The following RFFL variants were observed in gnomAD, a reference collection of about 807,000 sequenced individuals.
RFFL encodes the protein ring finger and FYVE like domain containing E3 ubiquitin protein ligase.
In RFFL, 16 loss-of-function variants were observed where a neutral mutation model predicts 40.4. The observed-to-expected ratio is 0.40, with a 90% CI of 0.27 to 0.60. The LOEUF (loss-of-function observed/expected upper bound fraction) is 0.60. Ranked by LOEUF, RFFL falls within the 20% of genes least tolerant of loss-of-function variation. The pLI, the probability that RFFL is intolerant of heterozygous loss-of-function variation, is 0.47. For synonymous variants in RFFL, 154 were observed against 167.9 expected (o/e 0.92, Z 0.64); for missense variants, 367 against 451.7 (o/e 0.81, Z 1.70).
At chr17:35,085,151 T>C (rs1340565522) in intron 1 of RFFL, among the ~76,000 whole-genome samples, 1 of 151,188 alleles carries the variant, frequency 6.6e-6, no homozygotes, top group Non-Finnish European at 1.5e-5. Flanking sequence ...TACCTCATCT[T>C]TCAAGGAGTG....
rs2090932442 is a variant in RFFL at position 35,010,742 on chromosome 17, A to C, written c.*1226T>G. 1.1e-5 allele frequency: 1 copy of C among 95,204 alleles called. No individual in the cohort carries two copies. The highest frequency in any genetic ancestry group is 2.7e-4 in the East Asian group (1 of 3,644). The allele number at this position is 95,204 out of a possible 1,614,324, so 5.9% of individuals were successfully genotyped here. A position where few individuals can be genotyped will look rare whatever the true frequency, so the allele number is the denominator to read the frequency against. ...ACTCCAGCCTGGGCAACAGAGTGAG[A>C]CTCAAAAAAAAAAAAAAAATGCTTT... On this transcript the variant is annotated 3_prime_UTR_variant, in exon 7 of 7. Coordinates refer to ENST00000394597, the MANE Select transcript of RFFL (RefSeq NM_001017368.2).
At chr17:35,082,807 T>A (rs2091409115) in intron 1 of RFFL, among the ~76,000 whole-genome samples, 1 of 152,212 alleles carries the variant, frequency 6.6e-6, no homozygotes, top group South Asian at 2.1e-4. Flanking sequence ...CTACCAGGTA[T>A]TTTCATCTTG....
At chr17:35,035,641 CTATATCTATAGATATT>C (rs1379163658) in intron 1 of RFFL, among the ~76,000 whole-genome samples, 2 of 149,806 alleles carry the variant, frequency 1.3e-5, no homozygotes, top group African/African-American at 4.9e-5. Context: ...ATATCTGTAT[CTATATCTATAGATATT>C]TATATCTATA....
intron 1 of RFFL, among the ~76,000 whole-genome samples, chr17:35,035,707 A>T (rs890041722): frequency 2.3e-4 from 35 of 149,946 alleles, no homozygotes; most frequent in Admixed American, 1.9e-3. Context: ...ATATATATAA[A>T]TTTTTTCTTT....
chr17:35,041,587 G>A (rs2091165352), intron 1 of RFFL, among the ~76,000 whole-genome samples: 1 of 130,180 alleles, frequency 7.7e-6, no homozygotes, highest in Non-Finnish European at 1.5e-5. Context: ...GAACCGAAAG[G>A]TAGTGTGACC....
chr17:35,061,525 T>A (rs562399921), intron 1 of RFFL, among the ~76,000 whole-genome samples: 2 of 152,244 alleles, frequency 1.3e-5, no homozygotes, highest in South Asian at 2.1e-4. Context: ...TGGCACAATC[T>A]CAGCTCATTG....
chr17:35,086,622 T>C lies in RFFL; in HGVS notation c.-9+2483A>G, dbSNP rs376734199. Among the ~76,000 whole-genome samples, 217 of 152,178 alleles carry C rather than the reference T, an allele frequency of 1.4e-3. 1 individual carries two copies. Among genetic ancestry groups the C allele is most frequent in the African/African-American group, 5.2e-3 (214 of 41,514 alleles). On this transcript the variant is annotated intron_variant, in intron 1 of 6. Transcript: ENST00000315249. ...ACCAGTAACCATTACCAAACAACAA[T>C]GAAGCAGCTCCTCACTTGAGACTTC... is the stretch of plus-strand genomic sequence containing the variant.
chr17:35,048,230 G>A (rs1382342720), intron 1 of RFFL, among the ~76,000 whole-genome samples: 1 of 151,462 alleles, frequency 6.6e-6, no homozygotes, highest in Non-Finnish European at 1.5e-5. Flanking sequence ...GTGAAACCCC[G>A]TCTCTACTAA....
chr17:35,044,816 C>G (rs2091188317), intron 1 of RFFL, among the ~76,000 whole-genome samples: 1 of 152,148 alleles, frequency 6.6e-6, no homozygotes, highest in South Asian at 2.1e-4. Flanking sequence ...CCTCACCTCC[C>G]TTACATATCA....
intron 1 of RFFL, among the ~76,000 whole-genome samples, chr17:35,086,475 T>A (rs1241748735): frequency 6.2e-5 from 4 of 64,696 alleles, no homozygotes; most frequent in Non-Finnish European, 8.3e-5. Flanking sequence ...GAGACCCCCA[T>A]CTCAATTAAA....
chr17:35,088,760 C>T (rs918241626), intron 1 of RFFL: 1 of 152,258 alleles, frequency 6.6e-6, no homozygotes, highest in Non-Finnish European at 1.5e-5. Context: ...TTTCTTCTGA[C>T]GTACAAAGAG....
chr17:35,043,483 C>A (rs1456036083), intron 1 of RFFL, among the ~76,000 whole-genome samples: 1 of 152,188 alleles, frequency 6.6e-6, no homozygotes, highest in Middle Eastern at 3.2e-3. Context: ...TCCAAACCAG[C>A]TTCCAGAGCC....
chr17:35,068,286 G>A (rs1248482127), upstream of RFFL, among the ~76,000 whole-genome samples: 8 of 152,126 alleles, frequency 5.3e-5, no homozygotes, highest in Admixed American at 3.3e-4. Flanking sequence ...TCAACTTATC[G>A]CCAGAGTATC....
rs184392302 is a variant in RFFL at position 35,032,378 on chromosome 17, A to C, written c.-8-5817T>G. The stretch of plus-strand genomic sequence containing the variant: ...GCTGCAGTAGAGAGGCAAGATGGGT[A>C]AATATGGAAATTTTAAAAAGGTGCA... On this transcript the variant is annotated intron_variant, in intron 1 of 6. Transcript: ENST00000394597. 1.9e-3 allele frequency among the ~76,000 whole-genome samples: 284 copies of C among 152,086 alleles called. 4 individuals are homozygous for C. The highest frequency in any genetic ancestry group is 9.0e-4 in the Non-Finnish European group (61 of 68,016).
At chr17:35,036,979 T>C (rs772427043) in intron 1 of RFFL, among the ~76,000 whole-genome samples, 1 of 152,168 alleles carries the variant, frequency 6.6e-6, no homozygotes. Context: ...AGTAAAAAAA[T>C]TCCCAAGGTT....
intron 3 of RFFL, among the ~76,000 whole-genome samples, chr17:35,020,111 A>G (rs1029839965): frequency 6.6e-6 from 1 of 152,182 alleles, no homozygotes; most frequent in African/African-American, 2.4e-5. Context: ...GCAAGATCAA[A>G]AGTGGTCTGT....
intron 1 of RFFL, among the ~76,000 whole-genome samples, chr17:35,055,160 CACTT>C (rs1257699917): frequency 1.3e-5 from 2 of 151,962 alleles, no homozygotes; most frequent in Non-Finnish European, 2.9e-5. Flanking sequence ...CCTCGTGATC[CACTT>C]GCCTCGGCCT....
chr17:35,051,464 C>G (rs2091231361), intron 1 of RFFL, among the ~76,000 whole-genome samples: 1 of 152,182 alleles, frequency 6.6e-6, no homozygotes, highest in South Asian at 2.1e-4. Flanking sequence ...CTGCTGCCAA[C>G]TGGTTCACTA....
intron 5 of RFFL, among the ~76,000 whole-genome samples, chr17:35,015,948 T>C (rs2090970431): frequency 6.6e-6 from 1 of 152,224 alleles, no homozygotes; most frequent in Non-Finnish European, 1.5e-5. Flanking sequence ...GGAACAGCTA[T>C]CTTCTCCTGC....
Sources: allele counts gnomAD v4.1 joint callset (sites outside exome capture counted in the v4.1 genomes callset), GRCh38; gene constraint gnomAD v4.1.1; transcripts MANE v1.5; gene names NCBI Gene and HGNC (gene_info 2026-07-23, HGNC 2026-07-21).